FAF1: variants seen among roughly 807,000 people sequenced by gnomAD.
FAF1 encodes the protein FAS-associated factor 1.
Under a neutral mutation model 92.5 loss-of-function variants are expected in FAF1, and 25 were observed. The observed-to-expected ratio is 0.27, with a 90% CI of 0.20 to 0.38. FAF1 has a LOEUF of 0.38. Among genes scored for constraint, FAF1 ranks in the 10% least tolerant of loss-of-function variants. The probability of loss-of-function intolerance (pLI) is 1.00; values close to 1 mark genes in which losing one functional copy is unlikely to be tolerated. For synonymous variants in FAF1, 234 were observed against 273.2 expected (o/e 0.86, Z 1.42); for missense variants, 636 against 793.3 (o/e 0.80, Z 2.38).
intron 2 of FAF1, among the ~76,000 whole-genome samples, chr1:50,813,226 A>T (rs989468684): frequency 1.3e-5 from 2 of 152,208 alleles, no homozygotes; most frequent in Non-Finnish European, 2.9e-5. Context: ...ATTTTAAAAA[A>T]AAGAAAAGCA....
chr1:50,541,055 G>C (rs1648736557), intron 13 of FAF1, among the ~76,000 whole-genome samples: 1 of 152,102 alleles, frequency 6.6e-6, no homozygotes. Context: ...AAGACAAACG[G>C]CATTAAAATG....
chr1:50,489,820 G>A (rs1018345396), intron 17 of FAF1, among the ~76,000 whole-genome samples: 4 of 152,270 alleles, frequency 2.6e-5, no homozygotes, highest in Non-Finnish European at 5.9e-5. Context: ...TGAAGACTGT[G>A]GAAGGGAGAA....
intron 3 of FAF1, 104 bp downstream of exon 3, chr1:50,801,527 C>T (rs960908121): frequency 9.0e-6 from 6 of 663,548 alleles, no homozygotes; most frequent in Admixed American, 8.6e-5. Context: ...AACTTATATA[C>T]CCCAAATCAA....
intron 15 of FAF1, among the ~76,000 whole-genome samples, chr1:50,512,163 A>G (rs1334409164): frequency 6.6e-6 from 1 of 152,164 alleles, no homozygotes; most frequent in Non-Finnish European, 1.5e-5. Flanking sequence ...GACAGATTGC[A>G]AAAATTTTCT....
chr1:50,490,540 C>CAAATAGAGTGG lies in FAF1; in HGVS notation c.1653+47_1653+48insCCACTCTATTT. ...GAAGGTAGGTTAACAGCTTCAGTAT[C>CAAATAGAGTGG]AAATACAACCCAGCTTTTGAATAAC... On this transcript the variant is annotated intron_variant, in intron 17 of 18. Transcript: ENST00000396153. The CAAATAGAGTGG allele has an allele frequency of 3.5e-6, 2 of 577,236 alleles. 1 individual carries two copies. Among genetic ancestry groups the CAAATAGAGTGG allele is most frequent in the South Asian group, 4.3e-5 (2 of 46,464 alleles). The allele number at this position is 577,236 out of a possible 1,614,324, so 35.8% of individuals were successfully genotyped here.
intron 8 of FAF1, among the ~76,000 whole-genome samples, chr1:50,645,074 G>C (rs1189191841): frequency 6.6e-6 from 1 of 152,018 alleles, no homozygotes; most frequent in Non-Finnish European, 1.5e-5. Context: ...CATCTGTTTA[G>C]TCTTTGCCTG....
At chr1:50,574,844 A>C (rs1199874233) in intron 12 of FAF1, among the ~76,000 whole-genome samples, 1 of 151,406 alleles carries the variant, frequency 6.6e-6, no homozygotes, top group Non-Finnish European at 1.5e-5. Flanking sequence ...TCTAAGTAGA[A>C]TATTATATAT....
chr1:50,671,256 T>G (rs1317491131), intron 7 of FAF1, among the ~76,000 whole-genome samples: 1 of 151,772 alleles, frequency 6.6e-6, no homozygotes, highest in African/African-American at 2.4e-5. Context: ...AATACAAAAT[T>G]TAGCCAGGCA....
intron 1 of FAF1, among the ~76,000 whole-genome samples, chr1:50,873,838 C>A (rs992169969): frequency 6.6e-6 from 1 of 152,166 alleles, no homozygotes. Flanking sequence ...TTCTTGAATT[C>A]TTTTCTGTGC....
intron 7 of FAF1, among the ~76,000 whole-genome samples, chr1:50,669,487 A>G (rs550459356): frequency 1.3e-5 from 2 of 152,362 alleles, no homozygotes; most frequent in Admixed American, 1.3e-4. Context: ...GTTTTAAGGT[A>G]AAAATTGTCA....
Position 50,914,771 on chromosome 1 carries a change from G to A in FAF1, c.45+44996C>T, listed in dbSNP as rs371505670. On this transcript the variant is annotated intron_variant, in intron 1 of 18. Coordinates refer to ENST00000396153, the MANE Select transcript of FAF1 (RefSeq NM_007051.3). The stretch of plus-strand genomic sequence containing the variant: ...ATACTTAACATATCCCTTCTATCTC[G>A]CTATCAAAGTAATGTCCAAATGGTC... 7.2e-5 allele frequency among the ~76,000 whole-genome samples: 11 copies of A among 151,980 alleles called. No homozygotes were observed. In the East Asian group the frequency reaches 1.2e-3, roughly 16 times the overall value.
At chr1:50,664,309 T>C (rs953592119) in intron 7 of FAF1, among the ~76,000 whole-genome samples, 6 of 151,210 alleles carry the variant, frequency 4.0e-5, no homozygotes, top group African/African-American at 1.5e-4. Flanking sequence ...CTTTAGTTTT[T>C]CTGTCTCAAG....
chr1:50,748,734 G>C (rs1339896099), intron 4 of FAF1, among the ~76,000 whole-genome samples: 2 of 152,170 alleles, frequency 1.3e-5, no homozygotes, highest in Non-Finnish European at 2.9e-5. Context: ...GTTGCTGCTA[G>C]TCTACAGTTT....
intron 15 of FAF1, among the ~76,000 whole-genome samples, chr1:50,529,886 A>G (rs1371987620): frequency 1.3e-5 from 2 of 152,192 alleles, no homozygotes; most frequent in African/African-American, 4.8e-5. Context: ...CATAAATCAA[A>G]GTGAGAGAAA....
At chr1:50,927,104 G>C (rs1271901597) in intron 1 of FAF1, among the ~76,000 whole-genome samples, 1 of 152,186 alleles carries the variant, frequency 6.6e-6, no homozygotes, top group African/African-American at 2.4e-5. Context: ...GAAGCAGAAA[G>C]GGGAATAGGG....
At chr1:50,845,416 C>T (rs1644290020) in intron 2 of FAF1, among the ~76,000 whole-genome samples, 1 of 152,178 alleles carries the variant, frequency 6.6e-6, no homozygotes. Flanking sequence ...CACTAGGACT[C>T]TGACTTCCTC....
intron 8 of FAF1, among the ~76,000 whole-genome samples, chr1:50,635,514 T>A (rs1347166200): frequency 6.6e-6 from 1 of 152,122 alleles, no homozygotes; most frequent in Non-Finnish European, 1.5e-5. Context: ...AAGCCTTGAC[T>A]TCCCAGGCTC....
At chr1:50,561,947 A>G (rs1161193771) in intron 13 of FAF1, among the ~76,000 whole-genome samples, 1 of 152,154 alleles carries the variant, frequency 6.6e-6, no homozygotes, top group Non-Finnish European at 1.5e-5. Flanking sequence ...GGAGCTGACA[A>G]CCTAGCAGGG....
Position 50,441,100 on chromosome 1 carries a change from C to T in FAF1, c.*340G>A, listed in dbSNP as rs1557946035. ...ACAGAACAGACAGAACTGTCCTAGA[C>T]ACTGTGGGGAAAAGATGGGCACTGG... is the stretch of plus-strand genomic sequence containing the variant. On this transcript the variant is annotated 3_prime_UTR_variant, in exon 19 of 19. Transcript: ENST00000396153. 9.6e-6 allele frequency: 2 copies of T among 208,402 alleles called. No individual in the cohort carries two copies. Among genetic ancestry groups the T allele is most frequent in the Non-Finnish European group, 1.9e-5 (2 of 105,304 alleles). 12.9% of individuals were successfully genotyped at this position (208,402 alleles called of 1,614,324 possible).
Sources: gnomAD v4.1 joint callset for allele counts (sites outside exome capture counted in the v4.1 genomes callset) on GRCh38, gnomAD v4.1.1 for gene constraint, MANE v1.5 for transcripts, NCBI Gene and HGNC (gene_info 2026-07-23, HGNC 2026-07-21) for gene names.